The following ERC2 variants were observed in gnomAD, a reference collection of about 807,000 sequenced individuals.
The protein encoded by ERC2 is ELKS/RAB6-interacting/CAST family member 2.
In ERC2, 42 loss-of-function variants were observed where a neutral mutation model predicts 114.8. The observed-to-expected ratio is 0.37, with a 90% confidence interval of 0.29 to 0.47. The LOEUF is 0.47. ERC2 is among the 20% of genes least tolerant of loss of function. The pLI, the probability that ERC2 is intolerant of heterozygous loss-of-function variation, is 0.99. For synonymous variants in ERC2, 454 were observed against 425.5 expected (o/e 1.07, Z -0.82); for missense variants, 939 against 1,150.7 (o/e 0.82, Z 2.66).
intron 7 of ERC2, among the ~76,000 whole-genome samples, chr3:56,022,077 G>A (rs570663713): frequency 6.6e-6 from 1 of 152,052 alleles, no homozygotes; most frequent in South Asian, 2.1e-4. Flanking sequence ...TATTCCACTG[G>A]GTATATACCC....
intron 16 of ERC2, among the ~76,000 whole-genome samples, chr3:55,698,125 T>C (rs971930664): frequency 1.3e-5 from 2 of 151,966 alleles, no homozygotes; most frequent in South Asian, 2.1e-4. Context: ...AGCTAAAACA[T>C]GAAATCATGC....
intron 14 of ERC2, among the ~76,000 whole-genome samples, chr3:55,804,575 A>G (rs2059422619): frequency 6.6e-6 from 1 of 152,284 alleles, no homozygotes; most frequent in East Asian, 1.9e-4. Context: ...ACTGAGGTTC[A>G]GCGAAGTGAG....
intron 2 of ERC2, among the ~76,000 whole-genome samples, chr3:56,390,483 T>C (rs1576722611): frequency 6.6e-6 from 1 of 151,840 alleles, no homozygotes; most frequent in East Asian, 1.9e-4. Context: ...CAAAGGAGAG[T>C]GATTGGCTAC....
chr3:55,918,043 T>C (rs961631880), intron 13 of ERC2, among the ~76,000 whole-genome samples: 2 of 152,132 alleles, frequency 1.3e-5, no homozygotes, highest in Non-Finnish European at 2.9e-5. Flanking sequence ...TTCACTATCC[T>C]TTAGCCTGGG....
At chr3:56,167,908 C>T (rs1328165287) in intron 4 of ERC2, among the ~76,000 whole-genome samples, 2 of 152,136 alleles carry the variant, frequency 1.3e-5, no homozygotes, top group African/African-American at 2.4e-5. Context: ...TGCCTTTTAG[C>T]ACAAAATACA....
At chr3:56,162,480 A>C (rs907803033) in intron 4 of ERC2, among the ~76,000 whole-genome samples, 8 of 152,320 alleles carry the variant, frequency 5.3e-5, no homozygotes, top group African/African-American at 1.9e-4. Context: ...TATGTTTGAA[A>C]GAATTCAACT....
intron 6 of ERC2, among the ~76,000 whole-genome samples, chr3:56,100,230 T>C (rs1314078936): frequency 1.3e-5 from 2 of 152,222 alleles, no homozygotes; most frequent in Non-Finnish European, 2.9e-5. Flanking sequence ...GTAAGTTTAA[T>C]AGATTATATT....
At chr3:55,891,562 T>C (rs544609722) in intron 13 of ERC2, among the ~76,000 whole-genome samples, 96 of 148,018 alleles carry the variant, frequency 6.5e-4, no homozygotes, top group Non-Finnish European at 1.1e-3. Context: ...TTCTCCTGCC[T>C]CAGCCTCCTG....
At chr3:55,868,274 C>T (rs2062418094) in intron 14 of ERC2, among the ~76,000 whole-genome samples, 2 of 152,208 alleles carry the variant, frequency 1.3e-5, no homozygotes, top group South Asian at 4.1e-4. Context: ...AACAGGCAGG[C>T]TTTTCTCCAG....
chr3:56,161,555 T>G (rs2082048619), intron 4 of ERC2, among the ~76,000 whole-genome samples: 1 of 152,208 alleles, frequency 6.6e-6, no homozygotes, highest in Non-Finnish European at 1.5e-5. Flanking sequence ...CATTTGTTTA[T>G]GTCATCTGTG....
intron 15 of ERC2, among the ~76,000 whole-genome samples, chr3:55,728,415 T>C (rs747837662): frequency 5.9e-5 from 9 of 152,182 alleles, no homozygotes; most frequent in Non-Finnish European, 8.8e-5. Flanking sequence ...AAGGCTTCCC[T>C]GGAGAAGTGA....
At chr3:55,664,716 C>CAG (rs2061287476) in intron 17 of ERC2, among the ~76,000 whole-genome samples, 2 of 152,304 alleles carry the variant, frequency 1.3e-5, no homozygotes, top group African/African-American at 4.8e-5. Context: ...TACCGCGGCC[C>CAG]AGAGCTTCAG....
chr3:55,942,519 G>T (rs988100529), intron 13 of ERC2, among the ~76,000 whole-genome samples: 2 of 149,442 alleles, frequency 1.3e-5, no homozygotes, highest in African/African-American at 4.9e-5. Context: ...GGATGGTCTC[G>T]ATCTCCTGAC....
intron 6 of ERC2, among the ~76,000 whole-genome samples, chr3:56,091,653 C>A (rs1373683921): frequency 6.6e-6 from 1 of 152,152 alleles, no homozygotes; most frequent in Non-Finnish European, 1.5e-5. Context: ...ACCAAATTAA[C>A]AAAAATGTGT....
At chr3:55,939,462 G>A (rs2066644990) in intron 13 of ERC2, among the ~76,000 whole-genome samples, 1 of 152,164 alleles carries the variant, frequency 6.6e-6, no homozygotes, top group African/African-American at 2.4e-5. Context: ...CATTTCTTTT[G>A]ACTGCAGGAC....
At chr3:55,558,489 A>C (rs2055776592) in intron 17 of ERC2, among the ~76,000 whole-genome samples, 1 of 152,264 alleles carries the variant, frequency 6.6e-6, no homozygotes, top group Admixed American at 6.5e-5. Context: ...AAGATGCTCC[A>C]GCCACTGAAT....
intron 6 of ERC2, among the ~76,000 whole-genome samples, chr3:56,083,078 C>T (rs1318675281): frequency 1.3e-5 from 2 of 152,184 alleles, no homozygotes; most frequent in African/African-American, 2.4e-5. Context: ...GTGTAAAAGA[C>T]ATGTCCACAA....
chr3:56,066,469 G>A (rs961734432), intron 7 of ERC2, among the ~76,000 whole-genome samples: 1 of 151,980 alleles, frequency 6.6e-6, no homozygotes, highest in Admixed American at 6.6e-5. Context: ...TTGTAAAAGG[G>A]GTGGATTGCA....
chr3:55,796,684 C>T (rs989269288), intron 14 of ERC2, among the ~76,000 whole-genome samples: 1 of 152,168 alleles, frequency 6.6e-6, no homozygotes. Context: ...CTCGGCCTCC[C>T]GAAGTGCTGG....
Sources: allele counts gnomAD v4.1 joint callset (sites outside exome capture counted in the v4.1 genomes callset), GRCh38; gene constraint gnomAD v4.1.1; transcripts MANE v1.5; gene names NCBI Gene and HGNC (gene_info 2026-07-23, HGNC 2026-07-21).